STK32B: variants seen among roughly 807,000 people sequenced by gnomAD.
STK32B encodes serine/threonine-protein kinase 32B.
In STK32B, 43 loss-of-function variants were observed where a neutral mutation model predicts 52.6. The ratio of observed to expected loss-of-function variants is 0.82; its 90% CI spans 0.64 to 1.05. The LOEUF (loss-of-function observed/expected upper bound fraction) is 1.05, where lower values mean the gene tolerates loss of function less well. Ranked by LOEUF, STK32B falls within the 50% of genes least tolerant of loss-of-function variation. The pLI, the probability that STK32B is intolerant of heterozygous loss-of-function variation, is 0.00. For missense variants in STK32B, 621 were observed against 534.6 expected (o/e 1.16, Z -1.59); for synonymous variants, 238 against 204.3 (o/e 1.17, Z -1.41).
At position 5,468,068 on chromosome 4, in the gene STK32B, G is replaced by A. The variant is rs916092714; in HGVS notation, c.1104G>A (p.Glu368=). ...AGGAATTCATCATATTCAACAGAGA[G>A]AAGTAAGTCCTTCATACTGTCCCCC... ...VREEFIIFNR[E]KLRRQQGQGS... Residue 368 remains glutamate, a splice_region_variant and synonymous_variant, in exon 11 of 12, where the codon GAG becomes GAA. Coordinates refer to ENST00000282908, the MANE Select transcript of STK32B (RefSeq NM_018401.3). The A allele has an allele frequency of 1.2e-5, 19 of 1,614,004 alleles. No individual in the cohort carries two copies. Among genetic ancestry groups the A allele is most frequent in the African/African-American group, 5.3e-5 (4 of 74,942 alleles).
At chr4:5,230,734 A>G (rs62299961) in intron 3 of STK32B, among the ~76,000 whole-genome samples, 14,448 of 152,256 alleles carry the variant, frequency 0.095, 880 homozygotes, top group Middle Eastern at 0.13. Flanking sequence ...TACATGTGGA[A>G]AACACTCAGT....
At chr4:5,182,750 C>A (rs751942988) in intron 3 of STK32B, among the ~76,000 whole-genome samples, 1 of 151,428 alleles carries the variant, frequency 6.6e-6, no homozygotes, top group Non-Finnish European at 1.5e-5. Context: ...TGAGCCACTG[C>A]GCCCAGCCCC....
Position 5,478,561 on chromosome 4 carries a change from G to T in STK32B, c.1106+10491G>T, listed in dbSNP as rs539378714. Among the ~76,000 whole-genome samples the T allele has an allele frequency of 1.6e-4, 25 of 152,352 alleles. No individual in the cohort carries two copies. In the South Asian group the frequency reaches 4.8e-3, roughly 29 times the overall value. On this transcript the variant is annotated intron_variant, in intron 11 of 11. Transcript: ENST00000282908. The stretch of plus-strand genomic sequence containing the variant: ...ACTGTTGAGGTTTAAAAGTGGAACT[G>T]CCAGTTATATTGAGTTTTTACTTAG...
At chr4:5,485,018 C>A (rs968854252) in intron 11 of STK32B, among the ~76,000 whole-genome samples, 12 of 151,994 alleles carry the variant, frequency 7.9e-5, no homozygotes, top group East Asian at 1.9e-4. Flanking sequence ...GGCTGCCCTT[C>A]CCATTTTTTC....
At chr4:5,088,974 T>A (rs1712894651) in intron 1 of STK32B, among the ~76,000 whole-genome samples, 1 of 151,136 alleles carries the variant, frequency 6.6e-6, no homozygotes, top group South Asian at 2.1e-4. Context: ...CTAGAGAAGG[T>A]TAAAACATTG....
intron 4 of STK32B, among the ~76,000 whole-genome samples, chr4:5,367,911 C>T (rs748419323): frequency 3.3e-5 from 5 of 152,084 alleles, no homozygotes; most frequent in South Asian, 2.1e-4. Flanking sequence ...TCCACATCGC[C>T]GCCCAGGGGT....
At chr4:5,305,460 T>C (rs911109937) in intron 3 of STK32B, among the ~76,000 whole-genome samples, 1 of 152,258 alleles carries the variant, frequency 6.6e-6, no homozygotes, top group South Asian at 2.1e-4. Flanking sequence ...TCTCCAGGAA[T>C]CTCCTCTAGG....
chr4:5,217,160 C>A (rs1330379796), intron 3 of STK32B, among the ~76,000 whole-genome samples: 1 of 152,088 alleles, frequency 6.6e-6, no homozygotes, highest in African/African-American at 2.4e-5. Context: ...TGGCTCTGGG[C>A]CCCTTATACA....
rs1261585251 is a variant in STK32B at position 5,187,659 on chromosome 4, G to T, written c.260+19209G>T. Among the ~76,000 whole-genome samples, 5 of 152,278 alleles carry T rather than the reference G, an allele frequency of 3.3e-5. 1 individual carries two copies. Among genetic ancestry groups the T allele is most frequent in the Admixed American group, 3.3e-4 (5 of 15,302 alleles). ...CAAGCCCTGTTTGCCAATTTCCATG[G>T]TGTAAATAGTTTCTCATAATGGTTG... is the stretch of plus-strand genomic sequence containing the variant. On this transcript the variant is annotated intron_variant, in intron 3 of 11. Coordinates refer to ENST00000282908, the MANE Select transcript of STK32B (RefSeq NM_018401.3).
chr4:5,441,344 G>A (rs1714728336), intron 6 of STK32B, among the ~76,000 whole-genome samples: 1 of 150,372 alleles, frequency 6.7e-6, no homozygotes, highest in African/African-American at 2.4e-5. Context: ...GAGAGTGTAT[G>A]TGTCCAGGAA....
chr4:5,249,039 G>C (rs953497591), intron 3 of STK32B, among the ~76,000 whole-genome samples: 2 of 151,904 alleles, frequency 1.3e-5, no homozygotes, highest in Non-Finnish European at 2.9e-5. Flanking sequence ...TAACAAACCT[G>C]CACATTGTGC....
the STK32B span, among the ~76,000 whole-genome samples, chr4:5,036,103 T>G: frequency 6.6e-6 from 1 of 152,316 alleles, no homozygotes; most frequent in South Asian, 2.1e-4. Context: ...TTTAATGCTT[T>G]TTTATCTATG....
At position 5,209,827 on chromosome 4, in the gene STK32B, C is replaced by T. The variant is rs974109507; in HGVS notation, c.260+41377C>T. 2.6e-5 allele frequency among the ~76,000 whole-genome samples: 4 copies of T among 152,084 alleles called. No homozygotes were observed. The East Asian group carries it at 7.7e-4, about 29-fold the overall frequency. ...AAAGTAGGTTGGATACTTTAACAAC[C>T]TTGTCCAAAACTGCAACATCGAAAA... On this transcript the variant is annotated intron_variant, in intron 3 of 11. Coordinates refer to ENST00000282908, the MANE Select transcript of STK32B (RefSeq NM_018401.3).
chr4:5,494,079 T>TAG (rs1222435323), intron 11 of STK32B, among the ~76,000 whole-genome samples: 1 of 152,226 alleles, frequency 6.6e-6, no homozygotes. Flanking sequence ...GAGAGTTCTG[T>TAG]AGATGTCTAT....
chr4:5,245,055 T>C (rs1725340012), intron 3 of STK32B, among the ~76,000 whole-genome samples: 2 of 152,178 alleles, frequency 1.3e-5, no homozygotes, highest in South Asian at 4.1e-4. Context: ...TCTGTTGATT[T>C]GGGGTGGAGA....
intron 11 of STK32B, among the ~76,000 whole-genome samples, chr4:5,486,379 T>G (rs1357689966): frequency 6.6e-6 from 1 of 152,186 alleles, no homozygotes; most frequent in East Asian, 1.9e-4. Context: ...TGTAGGATCC[T>G]CCCAGCCAGG....
intron 4 of STK32B, among the ~76,000 whole-genome samples, chr4:5,362,649 C>G (rs1306023607): frequency 6.6e-6 from 1 of 152,158 alleles, no homozygotes; most frequent in African/African-American, 2.4e-5. Flanking sequence ...GCCTGACAGC[C>G]ACCACGGAGG....
chr4:5,073,103 G>A (rs1711875492), intron 1 of STK32B, among the ~76,000 whole-genome samples: 2 of 151,918 alleles, frequency 1.3e-5, no homozygotes, highest in South Asian at 4.2e-4. Flanking sequence ...TTTGTATTTT[G>A]CCTGGAAACC....
chr4:5,422,186 T>G (rs1712700276), intron 6 of STK32B, among the ~76,000 whole-genome samples: 2 of 152,236 alleles, frequency 1.3e-5, no homozygotes, highest in South Asian at 2.1e-4. Context: ...ATGGTTGTAT[T>G]TTCAGACACT....
Sources: allele counts gnomAD v4.1 joint callset (sites outside exome capture counted in the v4.1 genomes callset), GRCh38; gene constraint gnomAD v4.1.1; transcripts MANE v1.5; gene names NCBI Gene and HGNC (gene_info 2026-07-23, HGNC 2026-07-21).